The following TMTC1 variants were observed in gnomAD, a reference collection of about 807,000 sequenced individuals.
The protein encoded by TMTC1 is transmembrane O-mannosyltransferase targeting cadherins 1.
A neutral mutation model predicts 104.8 loss-of-function variants in TMTC1; 73 were observed. The observed-to-expected ratio is 0.70, with a 90% CI of 0.58 to 0.85. TMTC1 has a LOEUF of 0.85. TMTC1 is among the 40% of genes least tolerant of loss of function. The pLI is 0.00. For synonymous variants in TMTC1, 434 were observed against 428.7 expected, an observed-to-expected ratio of 1.01 and a Z score of -0.15; for missense variants, 1,035 against 1,096.1, an observed-to-expected ratio of 0.94 and a Z score of 0.79.
chr12:29,574,107 A>T (rs1945756436), intron 8 of TMTC1, among the ~76,000 whole-genome samples: 1 of 152,182 alleles, frequency 6.6e-6, no homozygotes, highest in African/African-American at 2.4e-5. Flanking sequence ...GGAGACATCC[A>T]GGAAGCAGAG....
intron 10 of TMTC1, among the ~76,000 whole-genome samples, chr12:29,540,019 A>T (rs1199987756): frequency 6.6e-6 from 1 of 152,202 alleles, no homozygotes; most frequent in Non-Finnish European, 1.5e-5. Flanking sequence ...AACGAAGAAC[A>T]TATGTATACA....
intron 5 of TMTC1, among the ~76,000 whole-genome samples, chr12:29,685,645 A>G (rs1027052204): frequency 1.3e-4 from 20 of 152,154 alleles, no homozygotes; most frequent in Admixed American, 5.2e-4. Context: ...TCAACCAGAA[A>G]AAAAAGAGGC....
chr12:29,737,386 C>G (rs189387252), intron 5 of TMTC1, among the ~76,000 whole-genome samples: 1 of 152,250 alleles, frequency 6.6e-6, no homozygotes, highest in Non-Finnish European at 1.5e-5. Context: ...GGCCTGGTGG[C>G]GCATGCCTGT....
intron 5 of TMTC1, among the ~76,000 whole-genome samples, chr12:29,654,103 A>C (rs1289240981): frequency 6.6e-6 from 1 of 152,202 alleles, no homozygotes; most frequent in Non-Finnish European, 1.5e-5. Context: ...ACTTCATCAA[A>C]ATAAAAAACT....
intron 2 of TMTC1, among the ~76,000 whole-genome samples, chr12:29,762,884 G>T (rs1448041833): frequency 6.6e-6 from 1 of 152,202 alleles, no homozygotes; most frequent in Non-Finnish European, 1.5e-5. Context: ...GATCTGCTCA[G>T]ACTACACTAC....
chr12:29,666,032 T>C (rs1048546272), intron 5 of TMTC1, among the ~76,000 whole-genome samples: 3 of 151,694 alleles, frequency 2.0e-5, no homozygotes, highest in African/African-American at 7.3e-5. Context: ...TCTCCACTAC[T>C]GCAAAATTCC....
At chr12:29,661,227 C>T (rs1005611232) in intron 5 of TMTC1, 2 of 349,664 alleles carry the variant, frequency 5.7e-6, no homozygotes, top group Non-Finnish European at 8.0e-6. Context: ...ACTATCCCAT[C>T]GAATCCCAAA....
chr12:29,597,242 CTTTT>C (rs36063501), intron 7 of TMTC1, among the ~76,000 whole-genome samples: 199 of 124,150 alleles, frequency 1.6e-3, no homozygotes, highest in Non-Finnish European at 2.4e-3. Context: ...TCTTTTCTTT[CTTTT>C]TTTTTTTTTT....
chr12:29,516,544 C>A, intron 14 of TMTC1, 58 bp from the exon 15 acceptor site: 1 of 1,549,818 alleles, frequency 6.5e-7, no homozygotes, highest in Non-Finnish European at 8.8e-7. Context: ...TCAAATAAAG[C>A]ATCCCTGAAT....
chr12:29,613,036 T>G (rs1946885492), intron 6 of TMTC1, among the ~76,000 whole-genome samples: 1 of 152,162 alleles, frequency 6.6e-6, no homozygotes, highest in Non-Finnish European at 1.5e-5. Flanking sequence ...ATTCTTAACT[T>G]GTTATTGTTC....
chr12:29,683,657 T>C (rs1460314555), intron 5 of TMTC1, among the ~76,000 whole-genome samples: 1 of 152,124 alleles, frequency 6.6e-6, no homozygotes, highest in East Asian at 1.9e-4. Context: ...TTTTCTCTTT[T>C]AGACAATTCA....
At chr12:29,615,653 A>G (rs958907244) in intron 6 of TMTC1, among the ~76,000 whole-genome samples, 2 of 152,172 alleles carry the variant, frequency 1.3e-5, no homozygotes, top group African/African-American at 4.8e-5. Flanking sequence ...AGTCACAGAC[A>G]CTGTTGTATC....
intron 5 of TMTC1, among the ~76,000 whole-genome samples, chr12:29,713,750 T>C (rs1942001916): frequency 2.0e-5 from 3 of 152,112 alleles, no homozygotes; most frequent in Admixed American, 2.0e-4. Context: ...CATTCCTCAT[T>C]TTGAAGAAAA....
intron 11 of TMTC1, among the ~76,000 whole-genome samples, chr12:29,521,814 C>A (rs754873541): frequency 6.6e-6 from 1 of 152,078 alleles, no homozygotes; most frequent in Non-Finnish European, 1.5e-5. Flanking sequence ...GTGATCCGCC[C>A]GTCTTGGCCT....
At chr12:29,750,874 C>A (rs1048363918) in intron 5 of TMTC1, among the ~76,000 whole-genome samples, 31 of 152,222 alleles carry the variant, frequency 2.0e-4, no homozygotes, top group African/African-American at 6.8e-4. Context: ...CCACATAGGG[C>A]TACTACTCCC....
In TMTC1 at chr12:29,506,631, A is replaced by T. The variant is rs999232782; in HGVS notation, c.*215T>A. The T allele has an allele frequency of 1.8e-6, 1 of 563,652 alleles. No homozygotes were observed. Among genetic ancestry groups the T allele is most frequent in the Non-Finnish European group, 3.2e-6 (1 of 316,774 alleles). 34.9% of individuals were successfully genotyped at this position (563,652 alleles called of 1,614,324 possible). A position where few individuals can be genotyped will look rare whatever the true frequency, so the allele number is the denominator to read the frequency against. ...AAATGTCATTCTCCTTCCCTCTCAG[A>T]CCTTCTTGCCCTTGTTTGCTGTTTT... On this transcript the variant is annotated 3_prime_UTR_variant, in exon 18 of 18. Coordinates refer to ENST00000539277, the MANE Select transcript of TMTC1 (RefSeq NM_001193451.2).
At chr12:29,542,135 G>A (rs1592202383) in intron 10 of TMTC1, among the ~76,000 whole-genome samples, 1 of 152,174 alleles carries the variant, frequency 6.6e-6, no homozygotes, top group East Asian at 1.9e-4. Context: ...AAAGGCCAGA[G>A]TTAACTAGCC....
chr12:29,645,469 A>G (rs1300518393), intron 5 of TMTC1, among the ~76,000 whole-genome samples: 1 of 152,184 alleles, frequency 6.6e-6, no homozygotes, highest in African/African-American at 2.4e-5. Context: ...CTGAAATGTC[A>G]TTGTCTTTCT....
At chr12:29,681,663 T>G in intron 5 of TMTC1, among the ~76,000 whole-genome samples, 1 of 145,436 alleles carries the variant, frequency 6.9e-6, no homozygotes, top group East Asian at 2.1e-4. Flanking sequence ...ACAAGGCCCC[T>G]CCCCCTCCCA....
Sources: allele counts gnomAD v4.1 joint callset (sites outside exome capture counted in the v4.1 genomes callset), GRCh38; gene constraint gnomAD v4.1.1; transcripts MANE v1.5; gene names NCBI Gene and HGNC (gene_info 2026-07-23, HGNC 2026-07-21).